NFASC: variants seen among roughly 807,000 people sequenced by gnomAD.
NFASC encodes neurofascin homolog.
A neutral mutation model predicts 147.5 loss-of-function variants in NFASC; 43 were observed. The ratio of observed to expected loss-of-function variants is 0.29; its 90% CI spans 0.23 to 0.38. The LOEUF (loss-of-function observed/expected upper bound fraction) is 0.38, where lower values mean the gene tolerates loss of function less well. Ranked by LOEUF, NFASC falls within the 10% of genes least tolerant of loss-of-function variation. NFASC has a pLI of 1.00. For missense variants in NFASC, 1,320 were observed against 1,689.0 expected, an observed-to-expected ratio of 0.78 and a Z score of 3.83; for synonymous variants, 622 against 665.5, an observed-to-expected ratio of 0.93 and a Z score of 1.01.
intron 24 of NFASC, among the ~76,000 whole-genome samples, chr1:204,991,602 A>T (rs2095738403): frequency 6.6e-6 from 1 of 152,204 alleles, no homozygotes; most frequent in Non-Finnish European, 1.5e-5. Context: ...CTGCAGTTTC[A>T]TTCTGACACT....
intron 24 of NFASC, among the ~76,000 whole-genome samples, chr1:204,994,553 G>C (rs1011878922): frequency 1.3e-5 from 2 of 152,182 alleles, no homozygotes; most frequent in Non-Finnish European, 2.9e-5. Flanking sequence ...TTGGATTCTG[G>C]GGCCTGGGAA....
chr1:204,975,299 G>A lies in NFASC; in HGVS notation c.1587G>A (p.Glu529=). 1 of 1,613,770 alleles carries A rather than the reference G, an allele frequency of 6.2e-7. No individual in the cohort carries two copies. The highest frequency in any genetic ancestry group is 8.5e-7 in the Non-Finnish European group (1 of 1,179,758). ...CCACCAGGATCTACCGGATGCCCGA[G>A]GACCAGGTGGCCAGAAGGGGCACCA... is the stretch of plus-strand genomic sequence containing the variant. The part of the protein sequence containing the change: ...KDPTRIYRMP[E]DQVARRGTTV... The change falls in exon 15 of 30, where the codon GAG becomes GAA. Residue 529 remains glutamate, a synonymous_variant. Coordinates refer to ENST00000339876, the MANE Select transcript of NFASC (RefSeq NM_001005388.3). This position sits in a 1 kb window ranked among gnomAD's most constrained non-coding sequence, Gnocchi z 4.0.
At chr1:204,914,123 A>G (rs1265983711) in intron 1 of NFASC, among the ~76,000 whole-genome samples, 1 of 152,212 alleles carries the variant, frequency 6.6e-6, no homozygotes, top group Non-Finnish European at 1.5e-5. Flanking sequence ...CTTATAGAGA[A>G]GGAGTTTCCT....
chr1:204,979,904 A>T lies in NFASC; in HGVS notation c.2176+345A>T, dbSNP rs557307579. 2.6e-5 allele frequency among the ~76,000 whole-genome samples: 4 copies of T among 152,340 alleles called. No individual in the cohort carries two copies. Among genetic ancestry groups the T allele is most frequent in the Admixed American group, 2.6e-4 (4 of 15,300 alleles). On this transcript the variant is annotated intron_variant, in intron 19 of 29. Coordinates refer to ENST00000339876, the MANE Select transcript of NFASC (RefSeq NM_001005388.3). This position sits in a 1 kb window ranked among gnomAD's most constrained non-coding sequence, Gnocchi z 6.0. ...ATAATTCAGTGTGAGAAATATATAA[A>T]TTGGTATTACATCAGATTTCTTTTC... is the stretch of plus-strand genomic sequence containing the variant.
rs1055689972 is a variant in NFASC at position 205,018,036 on chromosome 1, C to G, written c.*1497C>G. 6.5e-6 allele frequency: 1 copy of G among 152,850 alleles called. No individual in the cohort carries two copies. Among genetic ancestry groups the G allele is most frequent in the Non-Finnish European group, 1.5e-5 (1 of 68,124 alleles). The allele number at this position is 152,850 out of a possible 1,614,324, so 9.5% of individuals were successfully genotyped here. A position where few individuals can be genotyped will look rare whatever the true frequency, so the allele number is the denominator to read the frequency against. ...CTCAACACACGTCCTCACCAGTCACCCCAAATGGAGACACTCGCAGACCTG... is the reference window on the plus strand; with the variant it reads ...CTCAACACACGTCCTCACCAGTCACGCCAAATGGAGACACTCGCAGACCTG... On this transcript the variant is annotated 3_prime_UTR_variant, in exon 30 of 30. Coordinates refer to ENST00000339876, the MANE Select transcript of NFASC (RefSeq NM_001005388.3).
intron 2 of NFASC, among the ~76,000 whole-genome samples, chr1:204,939,041 T>G (rs866210961): frequency 7.4e-4 from 73 of 98,428 alleles, no homozygotes; most frequent in Non-Finnish European, 1.0e-3. Flanking sequence ...TGGATGGATG[T>G]GTGTGTGTGT....
intron 1 of NFASC, among the ~76,000 whole-genome samples, chr1:204,863,281 C>T (rs186790138): frequency 1.3e-3 from 192 of 152,296 alleles, no homozygotes; most frequent in Admixed American, 2.4e-3. Context: ...GGGGAAATAG[C>T]GCTTCTGAAA....
rs1364910298 is a variant in NFASC at position 205,021,237 on chromosome 1, G to A, written c.*4698G>A. ...CCCAGCCTGCACAGCCCAAGCCCAG[G>A]GAAGTGTCCTTTCTTTCCCTTCCTT... On this transcript the variant is annotated 3_prime_UTR_variant, in exon 30 of 30. Coordinates refer to ENST00000339876, the MANE Select transcript of NFASC (RefSeq NM_001005388.3). 1 of 152,532 alleles carries A rather than the reference G, an allele frequency of 6.6e-6. No individual in the cohort carries two copies. The highest frequency in any genetic ancestry group is 2.4e-5 in the African/African-American group (1 of 41,398). 9.4% of individuals were successfully genotyped at this position (152,532 alleles called of 1,614,324 possible).
At chr1:204,985,116 C>T (rs2095589362) in intron 21 of NFASC, among the ~76,000 whole-genome samples, 1 of 152,216 alleles carries the variant, frequency 6.6e-6, no homozygotes, top group Non-Finnish European at 1.5e-5. Context: ...CCCCATGGGT[C>T]CCCCTCTAAG....
chr1:204,877,025 TATAA>T (rs1181760031), intron 1 of NFASC, among the ~76,000 whole-genome samples: 15 of 101,510 alleles, frequency 1.5e-4, no homozygotes, highest in African/African-American at 6.4e-4. Context: ...TATATATATA[TATAA>T]TATATATTTA....
rs2095379450 is a variant in NFASC, at chr1:204,975,501, C to T, written c.1706+83C>T. 3.3e-6 allele frequency: 5 copies of T among 1,527,252 alleles called. No individual in the cohort carries two copies. In the South Asian group the frequency reaches 4.9e-5, roughly 15 times the overall value. The allele number at this position is 1,527,252 out of a possible 1,614,324, so 94.6% of individuals were successfully genotyped here. ...TTGCTGTTGGTGACACATGGAAGAA[C>T]ACAGGGACAGGGAACCCGTGTCATG... On this transcript the variant is annotated intron_variant, in intron 15 of 29. Coordinates refer to ENST00000339876, the MANE Select transcript of NFASC (RefSeq NM_001005388.3). The surrounding 1 kb of genome is among the most constrained non-coding windows in gnomAD (Gnocchi z 4.0).
intron 2 of NFASC, among the ~76,000 whole-genome samples, chr1:204,928,534 GAC>G (rs2091980905): frequency 6.6e-6 from 1 of 152,166 alleles, no homozygotes; most frequent in Non-Finnish European, 1.5e-5. Flanking sequence ...GGGTCAAAGA[GAC>G]AGCATGAAGC....
chr1:205,022,204 T>A lies in NFASC; in HGVS notation c.*5665T>A, dbSNP rs183586691. ...ATCAGATGCCCCTGAGCTGCCCCTT[T>A]TTTTCTGATTCCCAACTGCAATGTC... On this transcript the variant is annotated 3_prime_UTR_variant, in exon 30 of 30. Coordinates refer to ENST00000339876, the MANE Select transcript of NFASC (RefSeq NM_001005388.3). 3.7e-4 allele frequency: 57 copies of A among 152,770 alleles called. No homozygotes were observed. Among genetic ancestry groups the A allele is most frequent in the Non-Finnish European group, 6.9e-4 (47 of 68,044 alleles). The allele number at this position is 152,770 out of a possible 1,614,324, so 9.5% of individuals were successfully genotyped here.
intron 7 of NFASC, 127 bp from the exon 8 acceptor site, chr1:204,957,529 A>T: frequency 1.3e-6 from 1 of 766,628 alleles, no homozygotes; most frequent in Non-Finnish European, 2.2e-6. Context: ...TGAGAGGATT[A>T]GACCAAGTAA....
intron 1 of NFASC, among the ~76,000 whole-genome samples, chr1:204,849,960 A>G (rs1343873196): frequency 6.6e-6 from 1 of 152,172 alleles, no homozygotes; most frequent in Admixed American, 6.5e-5. Context: ...CTGTGACGGT[A>G]CTTAGACAAA....
At chr1:204,959,895 TC>T (rs1335383886) in intron 8 of NFASC, among the ~76,000 whole-genome samples, 1 of 152,216 alleles carries the variant, frequency 6.6e-6, no homozygotes, top group African/African-American at 2.4e-5. Context: ...CATTTCTAGG[TC>T]CTCTATTCCA....
chr1:204,964,887 T>C (rs1004376121), intron 8 of NFASC, among the ~76,000 whole-genome samples: 2 of 152,328 alleles, frequency 1.3e-5, no homozygotes, highest in Non-Finnish European at 2.9e-5. Context: ...GGAGTCTTGA[T>C]GTTTCCTCAA....
chr1:204,997,230 C>G lies in NFASC; in HGVS notation c.2843C>G (p.Ala948Gly). The G allele has an allele frequency of 6.2e-7, 1 of 1,613,748 alleles. No homozygotes were observed. The change falls in exon 25 of 30, where the codon GCT (alanine) becomes GGT (glycine). Residue 948 changes from alanine (A) to glycine (G), a missense_variant. Around this residue, in one of 3 missense-constraint regions of NFASC, gnomAD observed 172 missense variants for 165.8 expected, o/e 1.04. Transcript: ENST00000339876. ...ACGGGCGCTGTGAGCAGTACCGATG[C>G]TACTGCCATTGCTGCCACCACCGAA... ...GATGAVSSTDATAIAATTEAT... is the reference protein window; with the variant it reads ...GATGAVSSTDGTAIAATTEAT...
chr1:204,895,494 G>A (rs937519020), intron 1 of NFASC, among the ~76,000 whole-genome samples: 2 of 152,152 alleles, frequency 1.3e-5, no homozygotes, highest in Non-Finnish European at 2.9e-5. Context: ...TAGAGGATGT[G>A]CATCCATTCT....
Sources: allele counts gnomAD v4.1 joint callset (sites outside exome capture counted in the v4.1 genomes callset), GRCh38; gene constraint gnomAD v4.1.1; regional missense constraint gnomAD v4.1.1; non-coding constraint Gnocchi (gnomAD v3.1); transcripts MANE v1.5; gene names NCBI Gene and HGNC (gene_info 2026-07-23, HGNC 2026-07-21).